B3GALT1: variants seen among roughly 807,000 people sequenced by gnomAD.
B3GALT1 encodes UDP-Gal:betaGlcNAc beta 1,3-galactosyltransferase, polypeptide 1.
Under a neutral mutation model 23.2 loss-of-function variants are expected in B3GALT1, and 10 were observed. The observed-to-expected ratio is 0.43, with a 90% CI of 0.27 to 0.73. The LOEUF (loss-of-function observed/expected upper bound fraction) is 0.73. B3GALT1 is among the 30% of genes least tolerant of loss of function. The probability of loss-of-function intolerance (pLI) is 0.21; values close to 1 mark genes in which losing one functional copy is unlikely to be tolerated. For missense variants in B3GALT1, 299 were observed against 405.4 expected, an observed-to-expected ratio of 0.74 and a Z score of 2.25; for synonymous variants, 156 against 141.5, an observed-to-expected ratio of 1.10 and a Z score of -0.73.
chr2:167,840,746 A>G (rs1574295152), intron 4 of B3GALT1, among the ~76,000 whole-genome samples: 3 of 150,896 alleles, frequency 2.0e-5, no homozygotes, highest in Non-Finnish European at 4.4e-5. Context: ...TTGCGGCACT[A>G]TTCACAATAG....
chr2:167,440,814 T>A (rs1157528300), intron 1 of B3GALT1, among the ~76,000 whole-genome samples: 1 of 152,170 alleles, frequency 6.6e-6, no homozygotes, highest in Non-Finnish European at 1.5e-5. Flanking sequence ...CATTGTGTTC[T>A]AAGATAATTT....
chr2:167,837,038 G>C (rs1356963256), intron 4 of B3GALT1, among the ~76,000 whole-genome samples: 1 of 152,080 alleles, frequency 6.6e-6, no homozygotes, highest in East Asian at 1.9e-4. Context: ...AACTAAACAT[G>C]GAAAGGAACA....
intron 2 of B3GALT1, among the ~76,000 whole-genome samples, chr2:167,566,821 C>T (rs991900809): frequency 2.0e-5 from 3 of 152,112 alleles, no homozygotes; most frequent in Non-Finnish European, 4.4e-5. Context: ...TGACTGTGCC[C>T]TCTGGGGGTA....
At chr2:167,591,200 A>G (rs1684672972) in intron 2 of B3GALT1, among the ~76,000 whole-genome samples, 1 of 152,172 alleles carries the variant, frequency 6.6e-6, no homozygotes, top group Admixed American at 6.5e-5. Context: ...AATTTGAGAG[A>G]GGATTATTGG....
At chr2:167,742,354 G>T (rs1450603509) in intron 3 of B3GALT1, among the ~76,000 whole-genome samples, 2 of 152,106 alleles carry the variant, frequency 1.3e-5, no homozygotes, top group Non-Finnish European at 2.9e-5. Context: ...AGCTGGTGAA[G>T]TCAGTCCTCA....
intron 1 of B3GALT1, among the ~76,000 whole-genome samples, chr2:167,355,325 C>T (rs1697382869): frequency 6.6e-6 from 1 of 152,194 alleles, no homozygotes; most frequent in African/African-American, 2.4e-5. Context: ...TTCATTACTG[C>T]AGAAACAGAA....
At chr2:167,762,753 G>C (rs144008168) in intron 3 of B3GALT1, among the ~76,000 whole-genome samples, 64 of 152,284 alleles carry the variant, frequency 4.2e-4, no homozygotes, top group African/African-American at 1.4e-3. Context: ...TTCCTGAGAG[G>C]CTGGAGAGGA....
At chr2:167,809,072 G>A (rs1384406958) in intron 3 of B3GALT1, among the ~76,000 whole-genome samples, 24 of 152,148 alleles carry the variant, frequency 1.6e-4, no homozygotes, top group Middle Eastern at 6.8e-3. Flanking sequence ...TCAGTTGATC[G>A]AATCAGCTAC....
chr2:167,804,335 T>A lies in B3GALT1; in HGVS notation c.-351-14337T>A, dbSNP rs539206698. On this transcript the variant is annotated intron_variant, in intron 3 of 4. Coordinates refer to ENST00000392690, the MANE Select transcript of B3GALT1 (RefSeq NM_020981.4). ...TGTTTTGTTTTTTTCTTTTTTTTTTTAATTATTATACTTTAAGTTTTAGGG... is the reference window on the plus strand; with the variant it reads ...TGTTTTGTTTTTTTCTTTTTTTTTTAAATTATTATACTTTAAGTTTTAGGG... 9.0e-4 allele frequency among the ~76,000 whole-genome samples: 133 copies of A among 147,710 alleles called. 1 individual carries two copies. The highest frequency in any genetic ancestry group is 1.5e-3 in the Non-Finnish European group (102 of 67,336).
intron 3 of B3GALT1, among the ~76,000 whole-genome samples, chr2:167,742,199 T>G (rs752872017): frequency 1.1e-4 from 16 of 152,354 alleles, no homozygotes; most frequent in Middle Eastern, 6.8e-3. Context: ...AATACTTGCT[T>G]TAAGATTGCT....
chr2:167,369,924 T>TA (rs544766958), intron 1 of B3GALT1, among the ~76,000 whole-genome samples: 11 of 151,390 alleles, frequency 7.3e-5, no homozygotes, highest in East Asian at 1.9e-4. Context: ...AGGTGCTATT[T>TA]AAAAAAAAAT....
chr2:167,695,774 G>A (rs1266553468), intron 3 of B3GALT1, among the ~76,000 whole-genome samples: 1 of 152,018 alleles, frequency 6.6e-6, no homozygotes, highest in African/African-American at 2.4e-5. Context: ...AATGATTCTA[G>A]GGCTAATACT....
chr2:167,537,815 G>C (rs1339996324), intron 2 of B3GALT1, among the ~76,000 whole-genome samples: 1 of 149,858 alleles, frequency 6.7e-6, no homozygotes, highest in African/African-American at 2.5e-5. Flanking sequence ...TAAATTCCTG[G>C]ATGCTTGTTC....
At chr2:167,387,836 C>G (rs1231534276) in intron 1 of B3GALT1, among the ~76,000 whole-genome samples, 2 of 152,088 alleles carry the variant, frequency 1.3e-5, no homozygotes, top group African/African-American at 2.4e-5. Context: ...AAAAAGTTGC[C>G]TTACTTTGTG....
intron 1 of B3GALT1, among the ~76,000 whole-genome samples, chr2:167,457,488 A>G (rs575945357): frequency 2.6e-5 from 4 of 151,872 alleles, no homozygotes; most frequent in Admixed American, 6.6e-5. Flanking sequence ...CAGCTTCTTT[A>G]CAGAATGGCC....
At chr2:167,589,777 C>G (rs1684643761) in intron 2 of B3GALT1, among the ~76,000 whole-genome samples, 1 of 151,878 alleles carries the variant, frequency 6.6e-6, no homozygotes. Flanking sequence ...TATAATAAAA[C>G]ATTGGCAGTT....
chr2:167,762,025 T>G (rs1171835342), intron 3 of B3GALT1, among the ~76,000 whole-genome samples: 2 of 152,242 alleles, frequency 1.3e-5, no homozygotes, highest in Admixed American at 1.3e-4. Flanking sequence ...CAGATTTGAC[T>G]TGGAAATTAT....
At chr2:167,570,466 A>G (rs141768119) in intron 2 of B3GALT1, among the ~76,000 whole-genome samples, 29 of 152,062 alleles carry the variant, frequency 1.9e-4, no homozygotes, top group African/African-American at 5.5e-4. Context: ...AATATTTTCA[A>G]TAATGCTATA....
intron 1 of B3GALT1, among the ~76,000 whole-genome samples, chr2:167,478,663 C>G (rs1319186506): frequency 6.6e-6 from 1 of 151,748 alleles, no homozygotes; most frequent in Admixed American, 6.6e-5. Flanking sequence ...GTGTGCTGCA[C>G]CCATTAACTC....
Sources: allele counts gnomAD v4.1 joint callset (sites outside exome capture counted in the v4.1 genomes callset), GRCh38; gene constraint gnomAD v4.1.1; transcripts MANE v1.5; gene names NCBI Gene and HGNC (gene_info 2026-07-23, HGNC 2026-07-21).